DOCK1: variants seen among roughly 807,000 people sequenced by gnomAD.
The protein encoded by DOCK1 is dedicator of cytokinesis protein 1.
DOCK1 carries 138 observed loss-of-function variants against 262.7 expected under a neutral mutation model. The ratio of observed to expected loss-of-function variants is 0.53; its 90% CI spans 0.46 to 0.61. DOCK1 has a LOEUF of 0.61. Ranked by LOEUF, DOCK1 falls within the 20% of genes least tolerant of loss-of-function variation. The pLI is 0.00. For missense variants in DOCK1, 1,908 were observed against 2,370.7 expected (o/e 0.80, Z 4.05); for synonymous variants, 866 against 867.4 (o/e 1.00, Z 0.03).
intron 27 of DOCK1, among the ~76,000 whole-genome samples, chr10:127,168,295 C>G (rs116141249): frequency 7.9e-4 from 120 of 152,324 alleles, no homozygotes; most frequent in Non-Finnish European, 1.4e-3. Flanking sequence ...TGGAGAGAGA[C>G]ATCGAAACTG....
intron 30 of DOCK1, among the ~76,000 whole-genome samples, chr10:127,340,630 AT>A (rs371161075): frequency 6.6e-4 from 100 of 152,306 alleles, no homozygotes; most frequent in African/African-American, 2.4e-3. Flanking sequence ...ATGATATGAC[AT>A]TTTAAGTTTG....
At chr10:127,061,606 T>C in intron 22 of DOCK1, 62 bp from the exon 23 acceptor site, 1 of 1,391,538 alleles carries the variant, frequency 7.2e-7, no homozygotes, top group Non-Finnish European at 1.0e-6. Flanking sequence ...GCTATAGACA[T>C]GGATTCAAAA....
chr10:127,447,667 A>T, intron 51 of DOCK1, 122 bp downstream of exon 51: 1 of 1,427,294 alleles, frequency 7.0e-7, no homozygotes, highest in Non-Finnish European at 9.3e-7. Flanking sequence ...AAAACCATGT[A>T]TGATGGGCCC....
chr10:127,409,516 C>T, intron 42 of DOCK1, 125 bp downstream of exon 42: 2 of 1,009,232 alleles, frequency 2.0e-6, no homozygotes, highest in Non-Finnish European at 3.0e-6. Context: ...AATGCTCTTT[C>T]TGTCCTCTTT....
chr10:126,939,076 G>A (rs1424198531), intron 1 of DOCK1, among the ~76,000 whole-genome samples: 12 of 138,292 alleles, frequency 8.7e-5, no homozygotes, highest in African/African-American at 8.1e-5. Context: ...GACGAACACC[G>A]GAGGGGACGA....
intron 29 of DOCK1, among the ~76,000 whole-genome samples, chr10:127,296,627 AGT>A (rs1453952793): frequency 1.3e-5 from 2 of 152,130 alleles, no homozygotes; most frequent in African/African-American, 4.8e-5. Context: ...GTTGCTGCAG[AGT>A]GTGTTTGCTT....
rs527378440 is a variant in DOCK1, at chr10:126,984,078, C to T, written c.227+2105C>T. Among the ~76,000 whole-genome samples the T allele has an allele frequency of 2.9e-3, 435 of 152,234 alleles. 2 individuals are homozygous for T. Among genetic ancestry groups the T allele is most frequent in the Non-Finnish European group, 4.6e-3 (316 of 68,012 alleles). ...GTCACCGTCTCCTCTGTCCTGTGTC[C>T]GCTACTCTGAGGGTGCTGTCCTAGC... On this transcript the variant is annotated intron_variant, in intron 4 of 51. Coordinates refer to ENST00000623213, the MANE Select transcript of DOCK1 (RefSeq NM_001290223.2).
intron 27 of DOCK1, among the ~76,000 whole-genome samples, chr10:127,133,604 T>A (rs751646901): frequency 6.6e-6 from 1 of 152,202 alleles, no homozygotes; most frequent in African/African-American, 2.4e-5. Context: ...TCAAGGTTGG[T>A]TACTAGCTAT....
At chr10:127,241,249 G>A (rs1394165851) in intron 27 of DOCK1, among the ~76,000 whole-genome samples, 1 of 152,196 alleles carries the variant, frequency 6.6e-6, no homozygotes, top group Admixed American at 6.5e-5. Context: ...AACCCAGGAA[G>A]CGGAGGTTGC....
intron 44 of DOCK1, 56 bp downstream of exon 44, chr10:127,415,294 GCCACGCC>G: frequency 1.3e-6 from 2 of 1,547,410 alleles, no homozygotes; most frequent in South Asian, 2.3e-5. Context: ...AATACAGTCT[GCCACGCC>G]TTCTTCACCT....
chr10:127,065,870 A>G (rs956054794), intron 23 of DOCK1, among the ~76,000 whole-genome samples: 7 of 152,110 alleles, frequency 4.6e-5, no homozygotes, highest in African/African-American at 1.7e-4. Flanking sequence ...AAAAATGATA[A>G]AAGAAAAGAC....
At chr10:127,378,350 T>G (rs1386392798) in intron 35 of DOCK1, among the ~76,000 whole-genome samples, 1 of 152,120 alleles carries the variant, frequency 6.6e-6, no homozygotes. Context: ...CCGGTCCCAA[T>G]GGGGTTCCTC....
chr10:127,001,523 G>C (rs2040595386), intron 10 of DOCK1: 1 of 152,140 alleles, frequency 6.6e-6, no homozygotes, highest in African/African-American at 2.4e-5. Flanking sequence ...CCTTCTGTGG[G>C]TTTCGACAAA....
chr10:127,101,079 C>A (rs2048214095), intron 23 of DOCK1, among the ~76,000 whole-genome samples: 1 of 151,908 alleles, frequency 6.6e-6, no homozygotes. Flanking sequence ...AGGTTGGAGC[C>A]CCACAGGGCA....
rs1238633692 is a variant in DOCK1, at chr10:126,950,696, C to T, written c.47-20006C>T. Reference sequence around the variant, plus strand: ...TGGAGGTGGGGCGGCAGCATGCCCTCCTTCCTCCTGCTCTTTGCCTCAGAG... The same window carrying T: ...TGGAGGTGGGGCGGCAGCATGCCCTTCTTCCTCCTGCTCTTTGCCTCAGAG... On this transcript the variant is annotated intron_variant, in intron 1 of 51. Transcript: ENST00000623213. Among the ~76,000 whole-genome samples the T allele has an allele frequency of 3.3e-5, 5 of 152,252 alleles. No homozygotes were observed. In the East Asian group the frequency reaches 5.8e-4, roughly 18 times the overall value.
intron 23 of DOCK1, among the ~76,000 whole-genome samples, chr10:127,079,907 G>A (rs535269178): frequency 5.1e-4 from 77 of 152,208 alleles, no homozygotes; most frequent in Non-Finnish European, 9.6e-4. Flanking sequence ...CTCCAGCCTG[G>A]GCGACAAGAA....
At chr10:127,161,426 A>G (rs1292707468) in intron 27 of DOCK1, among the ~76,000 whole-genome samples, 1 of 152,148 alleles carries the variant, frequency 6.6e-6, no homozygotes, top group Non-Finnish European at 1.5e-5. Flanking sequence ...CCAGCATCCA[A>G]CTTGCTGAAG....
At position 127,315,692 on chromosome 10, in the gene DOCK1, C is replaced by T. The variant is rs565358923; in HGVS notation, c.3045-23314C>T. ...CCTGAAGTCACATCAGTTGCATTTC[C>T]GGATTCCAAATACCTTTTCCACATA... On this transcript the variant is annotated intron_variant, in intron 29 of 51. Coordinates refer to ENST00000623213, the MANE Select transcript of DOCK1 (RefSeq NM_001290223.2). Among the ~76,000 whole-genome samples, 49 of 152,268 alleles carry T rather than the reference C, an allele frequency of 3.2e-4. 1 individual carries two copies. Among genetic ancestry groups the T allele is most frequent in the African/African-American group, 1.0e-3 (43 of 41,556 alleles).
chr10:127,003,210 G>GTGAACCTGTGTGAACCTTTA (rs1206276612), intron 10 of DOCK1, among the ~76,000 whole-genome samples: 1 of 122,364 alleles, frequency 8.2e-6, no homozygotes, highest in African/African-American at 2.6e-5. Context: ...ATGAACCTGC[G>GTGAACCTGTGTGAACCTTTA]TGAACCTGTG....
Sources: allele counts gnomAD v4.1 joint callset (sites outside exome capture counted in the v4.1 genomes callset), GRCh38; gene constraint gnomAD v4.1.1; transcripts MANE v1.5; gene names NCBI Gene and HGNC (gene_info 2026-07-23, HGNC 2026-07-21).